Variants in ZCCHC24 observed in about 807,000 individuals in gnomAD.
The protein encoded by ZCCHC24 is zinc finger CCHC-type containing 24.
A neutral mutation model predicts 26.2 loss-of-function variants in ZCCHC24; 10 were observed. The ratio of observed to expected loss-of-function variants is 0.38; its 90% CI spans 0.24 to 0.65. The LOEUF is 0.65. Among genes scored for constraint, ZCCHC24 ranks in the 30% least tolerant of loss-of-function variants. The probability of loss-of-function intolerance (pLI) is 0.54; values close to 1 mark genes in which losing one functional copy is unlikely to be tolerated. For missense variants in ZCCHC24, 243 were observed against 329.1 expected (o/e 0.74, Z 2.03); for synonymous variants, 144 against 147.1 (o/e 0.98, Z 0.15).
At chr10:79,392,683 T>C (rs1458461946) in intron 3 of ZCCHC24, among the ~76,000 whole-genome samples, 1 of 152,144 alleles carries the variant, frequency 6.6e-6, no homozygotes, top group African/African-American at 2.4e-5. Flanking sequence ...GAGTGGACAA[T>C]GAGGCAATTC....
At chr10:79,398,088 G>A in intron 2 of ZCCHC24, among the ~76,000 whole-genome samples, 1 of 152,234 alleles carries the variant, frequency 6.6e-6, no homozygotes, top group East Asian at 1.9e-4. Flanking sequence ...GGCAGGCAAG[G>A]GATGGGGCCC....
At chr10:79,426,951 C>A (rs1344101463) in intron 2 of ZCCHC24, among the ~76,000 whole-genome samples, 1 of 151,670 alleles carries the variant, frequency 6.6e-6, no homozygotes, top group East Asian at 1.9e-4. Context: ...ACAGGAGATG[C>A]ACTTTAAATT....
rs561884774 is a variant in ZCCHC24 at position 79,423,581 on chromosome 10, CTATATATATA to C, written c.447+8967_447+8976del. ...AACAAAAACAAACAAAATATATATA[CTATATATATA>C]TATATATATATATATATATTTTCTG... On this transcript the variant is annotated intron_variant, in intron 2 of 3. Coordinates refer to ENST00000372336, the MANE Select transcript of ZCCHC24 (RefSeq NM_153367.4). 2.3e-3 allele frequency among the ~76,000 whole-genome samples: 123 copies of C among 53,766 alleles called. 7 individuals carry two copies. Among genetic ancestry groups the C allele is most frequent in the African/African-American group, 8.8e-3 (115 of 13,024 alleles). 35.3% of individuals were successfully genotyped at this position (53,766 alleles called of 152,430 possible).
intron 2 of ZCCHC24, 146 bp from the exon 3 acceptor site, chr10:79,394,586 G>A: frequency 7.0e-7 from 1 of 1,423,742 alleles, no homozygotes; most frequent in Non-Finnish European, 9.2e-7. Flanking sequence ...TAATACCAGG[G>A]TCATCCCCAG....
At chr10:79,412,409 G>A (rs984490366) in intron 2 of ZCCHC24, among the ~76,000 whole-genome samples, 7 of 152,210 alleles carry the variant, frequency 4.6e-5, no homozygotes, top group Admixed American at 3.3e-4. Context: ...GTACACCCTC[G>A]CCCCTTGGCA....
chr10:79,391,459 C>T (rs1002742413), intron 3 of ZCCHC24, among the ~76,000 whole-genome samples: 8 of 152,014 alleles, frequency 5.3e-5, no homozygotes, highest in Non-Finnish European at 1.0e-4. Context: ...GGAGCCACTG[C>T]GGAGACTGGG....
chr10:79,402,494 T>C (rs567813920), intron 2 of ZCCHC24, among the ~76,000 whole-genome samples: 238 of 152,208 alleles, frequency 1.6e-3, no homozygotes, highest in Admixed American at 1.8e-3. Context: ...CCAGGATGGT[T>C]TCGATCTCCT....
At chr10:79,423,973 G>A (rs1008940258) in intron 2 of ZCCHC24, among the ~76,000 whole-genome samples, 37 of 148,936 alleles carry the variant, frequency 2.5e-4, no homozygotes, top group African/African-American at 7.7e-4. Flanking sequence ...AGCTGAGATC[G>A]CGCCACTGCA....
intron 2 of ZCCHC24, among the ~76,000 whole-genome samples, chr10:79,396,790 G>C (rs1476824563): frequency 6.6e-6 from 1 of 152,184 alleles, no homozygotes; most frequent in Non-Finnish European, 1.5e-5. Flanking sequence ...TTATGAAGTG[G>C]TGCATAATGG....
At chr10:79,403,365 T>C (rs756489274) in intron 2 of ZCCHC24, 5 of 984,996 alleles carry the variant, frequency 5.1e-6, no homozygotes, top group Non-Finnish European at 6.0e-6. Flanking sequence ...TGGCTTTTCC[T>C]TCCCCTCTGT....
chr10:79,386,584 A>T (rs1702536925), intron 3 of ZCCHC24, 126 bp from the exon 4 acceptor site: 1 of 658,636 alleles, frequency 1.5e-6, no homozygotes. Flanking sequence ...GGGACCAGAC[A>T]GAGAGGCACA....
At chr10:79,395,092 C>T (rs982923763) in intron 2 of ZCCHC24, among the ~76,000 whole-genome samples, 11 of 152,092 alleles carry the variant, frequency 7.2e-5, no homozygotes, top group Admixed American at 3.9e-4. Flanking sequence ...TTTATTTTTT[C>T]GAGACAGGGT....
intron 2 of ZCCHC24, among the ~76,000 whole-genome samples, chr10:79,425,083 G>A (rs1204892432): frequency 6.6e-6 from 1 of 152,208 alleles, no homozygotes; most frequent in Non-Finnish European, 1.5e-5. Context: ...GTCCTGGACA[G>A]ACTGTGTGTC....
At chr10:79,430,485 C>T in intron 2 of ZCCHC24, among the ~76,000 whole-genome samples, 1 of 151,938 alleles carries the variant, frequency 6.6e-6, no homozygotes, top group Non-Finnish European at 1.5e-5. Context: ...CTCCCCAAGA[C>T]TGTAAAATGA....
intron 2 of ZCCHC24, among the ~76,000 whole-genome samples, chr10:79,407,592 A>C (rs999198688): frequency 2.0e-5 from 3 of 152,100 alleles, no homozygotes; most frequent in Admixed American, 1.3e-4. Context: ...CTGGGGACCC[A>C]CCTAGGGAGC....
chr10:79,391,571 A>C (rs547810115), intron 3 of ZCCHC24, among the ~76,000 whole-genome samples: 3 of 151,966 alleles, frequency 2.0e-5, no homozygotes, highest in Non-Finnish European at 2.9e-5. Context: ...CACAGACCCC[A>C]GCAGCCCCCA....
intron 2 of ZCCHC24, chr10:79,403,599 C>CG (rs1244042102): frequency 1.0e-6 from 1 of 985,266 alleles, no homozygotes; most frequent in Non-Finnish European, 1.2e-6. Context: ...AGAGGCCACC[C>CG]GGGGCTTCCT....
chr10:79,416,063 G>A lies in ZCCHC24; in HGVS notation c.447+16495C>T, dbSNP rs553555620. Among the ~76,000 whole-genome samples the A allele has an allele frequency of 2.5e-4, 38 of 152,252 alleles. No individual in the cohort carries two copies. In the East Asian group the frequency reaches 7.1e-3, roughly 29 times the overall value. ...AGCTCCAGGTACTGCCACTGCTGCCGGTCCACTGACCACACTTTTAGGCAA... is the reference window on the plus strand; with the variant it reads ...AGCTCCAGGTACTGCCACTGCTGCCAGTCCACTGACCACACTTTTAGGCAA... On this transcript the variant is annotated intron_variant, in intron 2 of 3. Coordinates refer to ENST00000372336, the MANE Select transcript of ZCCHC24 (RefSeq NM_153367.4).
intron 2 of ZCCHC24, chr10:79,403,616 C>A: frequency 2.0e-6 from 2 of 984,744 alleles, no homozygotes; most frequent in Non-Finnish European, 2.4e-6. Flanking sequence ...TCCTCTGGAG[C>A]CTCAAGGGCC....
Sources: allele counts gnomAD v4.1 joint callset (sites outside exome capture counted in the v4.1 genomes callset), GRCh38; gene constraint gnomAD v4.1.1; transcripts MANE v1.5; gene names NCBI Gene and HGNC (gene_info 2026-07-23, HGNC 2026-07-21).